The following HCN1 variants were observed in gnomAD, a reference collection of about 807,000 sequenced individuals.
HCN1 encodes the protein potassium/sodium hyperpolarization-activated cyclic nucleotide-gated channel 1.
HCN1 carries 13 observed loss-of-function variants against 78.9 expected under a neutral mutation model. The ratio of observed to expected loss-of-function variants is 0.16; its 90% CI spans 0.11 to 0.26. HCN1 has a LOEUF of 0.26. HCN1 is among the 10% of genes least tolerant of loss of function. The pLI is 1.00. For missense variants in HCN1, 810 were observed against 1,154.3 expected (o/e 0.70, Z 4.32); for synonymous variants, 552 against 455.5 (o/e 1.21, Z -2.70).
chr5:45,501,614 T>C (rs1040133143), intron 2 of HCN1, among the ~76,000 whole-genome samples: 3 of 152,080 alleles, frequency 2.0e-5, no homozygotes, highest in Non-Finnish European at 4.4e-5. Flanking sequence ...TTAATTTTTG[T>C]ACTTTTAGTA....
intron 2 of HCN1, among the ~76,000 whole-genome samples, chr5:45,505,385 C>T (rs1742278305): frequency 6.6e-6 from 1 of 152,116 alleles, no homozygotes; most frequent in Non-Finnish European, 1.5e-5. Context: ...TTGTTTTTCT[C>T]AGGTTTGTCA....
intron 5 of HCN1, 89 bp downstream of exon 5, chr5:45,353,011 T>C (rs957755854): frequency 7.0e-6 from 8 of 1,136,604 alleles, no homozygotes; most frequent in Non-Finnish European, 1.0e-5. Context: ...AGGTTTTTCT[T>C]TAGAGTAACG....
chr5:45,556,756 A>C (rs1034804706), intron 2 of HCN1, among the ~76,000 whole-genome samples: 4 of 151,732 alleles, frequency 2.6e-5, no homozygotes, highest in African/African-American at 9.7e-5. Context: ...TCTTTCCCTT[A>C]TATTCTTTCC....
intron 6 of HCN1, among the ~76,000 whole-genome samples, chr5:45,281,854 T>C (rs1340862493): frequency 1.3e-5 from 2 of 151,866 alleles, no homozygotes; most frequent in Admixed American, 6.6e-5. Flanking sequence ...AGCCTCCCAG[T>C]GTTGGGATTA....
intron 5 of HCN1, among the ~76,000 whole-genome samples, chr5:45,322,765 T>C (rs1008367599): frequency 6.6e-6 from 1 of 151,848 alleles, no homozygotes; most frequent in Non-Finnish European, 1.5e-5. Flanking sequence ...GAAGTTTGGA[T>C]TTTCAGATTA....
intron 6 of HCN1, among the ~76,000 whole-genome samples, chr5:45,274,857 C>T (rs1745023788): frequency 6.6e-6 from 1 of 152,228 alleles, no homozygotes; most frequent in Non-Finnish European, 1.5e-5. Context: ...CATCTTGCAT[C>T]TTAGTTCCTA....
Position 45,372,114 on chromosome 5 carries a change from A to C in HCN1, c.1231-18868T>G, listed in dbSNP as rs1579847583. Among the ~76,000 whole-genome samples the C allele has an allele frequency of 2.2e-4, 12 of 54,284 alleles. 1 individual carries two copies. The South Asian group carries it at 6.4e-3, about 29-fold the overall frequency. The allele number at this position is 54,284 out of a possible 152,430, so 35.6% of individuals were successfully genotyped here. A position where few individuals can be genotyped will look rare whatever the true frequency, so the allele number is the denominator to read the frequency against. ...ATATATATATTTTATATATAATATA[A>C]TTATATATTATATATATAATATAAT... On this transcript the variant is annotated intron_variant, in intron 4 of 7. Transcript: ENST00000303230.
rs1296115270 is a variant in HCN1, at chr5:45,257,850, G to A, written c.*4071C>T. The A allele has an allele frequency of 6.6e-6, 1 of 152,004 alleles. No homozygotes were observed. The allele number at this position is 152,004 out of a possible 1,614,324, so 9.4% of individuals were successfully genotyped here. ...TTGTATGTGCTACAATTTGGTGCAT[G>A]CAGCAACCACAGTTCCTTAAATTTT... On this transcript the variant is annotated 3_prime_UTR_variant, in exon 8 of 8. Transcript: ENST00000303230.
chr5:45,376,345 TATATAG>T (rs1336427021), intron 4 of HCN1, among the ~76,000 whole-genome samples: 2 of 96,922 alleles, frequency 2.1e-5, no homozygotes, highest in African/African-American at 7.2e-5. Context: ...ATATTATATA[TATATAG>T]AGAGAGAGAG....
intron 1 of HCN1, among the ~76,000 whole-genome samples, chr5:45,685,652 C>T (rs557889428): frequency 1.6e-4 from 24 of 151,726 alleles, no homozygotes; most frequent in Non-Finnish European, 2.8e-4. Context: ...GCAGAGGTTG[C>T]GGTGAGCCAA....
rs1374901381 is a variant in HCN1, at chr5:45,257,778, T to TA, written c.*4142_*4143insT. The TA allele has an allele frequency of 6.6e-6, 1 of 152,192 alleles. No individual in the cohort carries two copies. Among genetic ancestry groups the TA allele is most frequent in the Non-Finnish European group, 1.5e-5 (1 of 68,038 alleles). 9.4% of individuals were successfully genotyped at this position (152,192 alleles called of 1,614,324 possible). A position where few individuals can be genotyped will look rare whatever the true frequency, so the allele number is the denominator to read the frequency against. The stretch of plus-strand genomic sequence containing the variant: ...AGAAAATTTCTATCCTATTTTTCCT[T>TA]GAAAATAACCATATTGAATACAGTT... On this transcript the variant is annotated 3_prime_UTR_variant, in exon 8 of 8. Transcript: ENST00000303230.
chr5:45,555,112 A>T (rs182091315), intron 2 of HCN1, among the ~76,000 whole-genome samples: 260 of 151,934 alleles, frequency 1.7e-3, no homozygotes, highest in African/African-American at 5.6e-3. Flanking sequence ...AATTATTCTT[A>T]TTTGTAGATT....
intron 6 of HCN1, among the ~76,000 whole-genome samples, chr5:45,301,168 C>A (rs1158569379): frequency 6.6e-6 from 1 of 151,714 alleles, no homozygotes; most frequent in South Asian, 2.1e-4. Flanking sequence ...TTAAAGTCAG[C>A]ATATTATTAA....
At chr5:45,583,118 A>G (rs544043470) in intron 2 of HCN1, among the ~76,000 whole-genome samples, 1 of 152,068 alleles carries the variant, frequency 6.6e-6, no homozygotes, top group East Asian at 1.9e-4. Flanking sequence ...TCCTCCTTGT[A>G]CCTCTGGTAG....
At chr5:45,524,944 A>G (rs1445590936) in intron 2 of HCN1, among the ~76,000 whole-genome samples, 1 of 152,170 alleles carries the variant, frequency 6.6e-6, no homozygotes. Context: ...GTAGTTTTCA[A>G]AGGGAATGCT....
At chr5:45,283,051 T>TTGGAC (rs879503018) in intron 6 of HCN1, among the ~76,000 whole-genome samples, 9 of 152,180 alleles carry the variant, frequency 5.9e-5, no homozygotes, top group Non-Finnish European at 1.2e-4. Context: ...AAGTTCCTAC[T>TTGGAC]TTCCCCAAAT....
At chr5:45,376,070 G>A (rs1166312964) in intron 4 of HCN1, among the ~76,000 whole-genome samples, 1 of 105,838 alleles carries the variant, frequency 9.4e-6, no homozygotes, top group African/African-American at 4.0e-5. Flanking sequence ...AATATAATAT[G>A]TTATAATATA....
intron 5 of HCN1, among the ~76,000 whole-genome samples, chr5:45,334,307 T>C (rs528461883): frequency 6.6e-6 from 1 of 151,970 alleles, no homozygotes; most frequent in Non-Finnish European, 1.5e-5. Context: ...TTTCCCTGTG[T>C]TCTTTACATC....
chr5:45,373,638 C>T (rs369309722), intron 4 of HCN1, among the ~76,000 whole-genome samples: 2,376 of 125,486 alleles, frequency 0.019, 85 homozygotes, highest in African/African-American at 0.058. Context: ...ACGGTATATA[C>T]GTCATCTATA....
Sources: allele counts gnomAD v4.1 joint callset (sites outside exome capture counted in the v4.1 genomes callset), GRCh38; gene constraint gnomAD v4.1.1; transcripts MANE v1.5; gene names NCBI Gene and HGNC (gene_info 2026-07-23, HGNC 2026-07-21).